The following TMEM245 variants were observed in gnomAD, a reference collection of about 807,000 sequenced individuals.
The protein encoded by TMEM245 is protein CG-2.
A neutral mutation model predicts 101.2 loss-of-function variants in TMEM245; 69 were observed. That is an observed-to-expected ratio of 0.68 (90% CI 0.56 to 0.83). The LOEUF (loss-of-function observed/expected upper bound fraction) is 0.83. TMEM245 is among the 40% of genes least tolerant of loss of function. The pLI is 0.00. For synonymous variants in TMEM245, 537 were observed against 449.8 expected (o/e 1.19, Z -2.45); for missense variants, 1,075 against 1,092.8 (o/e 0.98, Z 0.23).
Position 109,050,356 on chromosome 9 carries a change from T to C in TMEM245, c.2050A>G (p.Ile684Val), listed in dbSNP as rs754205755. ...DEYYKPVKWVISLTPLSQPGP... is the reference protein window; with the variant it reads ...DEYYKPVKWVVSLTPLSQPGP... ...GGCTGAGATAGTGGAGTCAGGCTTA[T>C]CACCCACTTCACTGGCTTGTAGTAC... is the stretch of plus-strand genomic sequence containing the variant. The change falls in exon 14 of 18, where the codon ATA becomes GTA. Residue 684 changes from isoleucine (I) to valine (V), a missense_variant. Transcript: ENST00000374586. 2 of 1,614,114 alleles carry C rather than the reference T, an allele frequency of 1.2e-6. No individual in the cohort carries two copies. Among genetic ancestry groups the C allele is most frequent in the Non-Finnish European group, 1.7e-6 (2 of 1,180,026 alleles).
rs1827415700 is a variant in TMEM245 at position 109,015,534 on chromosome 9, T to C, written c.*4926A>G. 6.6e-6 allele frequency: 1 copy of C among 152,620 alleles called. No homozygotes were observed. The highest frequency in any genetic ancestry group is 2.1e-4 in the South Asian group (1 of 4,834). 9.5% of individuals were successfully genotyped at this position (152,620 alleles called of 1,614,324 possible). ...GCAATAAAAAATAAATGATATTTGA[T>C]AATAAGCCAAAATTATCAGGATTTG... On this transcript the variant is annotated 3_prime_UTR_variant, in exon 18 of 18. Coordinates refer to ENST00000374586, the MANE Select transcript of TMEM245 (RefSeq NM_032012.4).
chr9:109,057,088 T>C (rs1343698615), intron 12 of TMEM245, 103 bp downstream of exon 12: 6 of 1,290,402 alleles, frequency 4.6e-6, no homozygotes, highest in South Asian at 1.5e-5. Context: ...TGTCATGATG[T>C]TAAAAACAGG....
rs372653512 is a variant in TMEM245 at position 109,064,513 on chromosome 9, G to A, written c.1587C>T (p.Asn529=). Residue 529 remains asparagine (N), a synonymous_variant, in exon 10 of 18, where the codon AAC becomes AAT. Transcript: ENST00000374586. ...VQRALNSAAN[N]VYQYGREWIT... ...TCCATTCTCGTCCATACTGATACAC[G>A]TTGTTAGCCGCAGAATTCAGGGCTC... The A allele has an allele frequency of 3.5e-5, 57 of 1,613,764 alleles. No homozygotes were observed. Among genetic ancestry groups the A allele is most frequent in the Middle Eastern group, 1.6e-4 (1 of 6,084 alleles).
intron 9 of TMEM245, among the ~76,000 whole-genome samples, chr9:109,072,139 G>A (rs371621017): frequency 2.0e-5 from 3 of 152,272 alleles, no homozygotes; most frequent in Admixed American, 6.5e-5. Flanking sequence ...ATAAGTTGTG[G>A]AAAGCCATGA....
At chr9:109,055,188 C>CACAAA (rs914264203) in intron 12 of TMEM245, among the ~76,000 whole-genome samples, 9 of 152,120 alleles carry the variant, frequency 5.9e-5, no homozygotes, top group Admixed American at 2.0e-4. Context: ...CGACTACAGT[C>CACAAA]ACAAAACAAA....
In TMEM245 at chr9:109,060,395, G is replaced by A. The variant is rs749311982; in HGVS notation, c.1681C>T (p.Leu561=). 1.2e-6 allele frequency: 2 copies of A among 1,613,636 alleles called. No individual in the cohort carries two copies. Among genetic ancestry groups the A allele is most frequent in the South Asian group, 2.2e-5 (2 of 91,006 alleles). Residue 561 remains leucine (L), a synonymous_variant, in exon 11 of 18, where the codon CTA becomes TTA. Transcript: ENST00000374586. ...TGATACAGTCTGTCCCAAAGTTCTA[G>A]TACTTGCTTTTCAATTACAGCAGTA... ...NNTAVIEKQV[L]ELWDRLYHSW...
At chr9:109,115,659 T>C (rs1830704884) in intron 1 of TMEM245, among the ~76,000 whole-genome samples, 1 of 149,362 alleles carries the variant, frequency 6.7e-6, no homozygotes, top group Non-Finnish European at 1.5e-5. Flanking sequence ...GCCTCCAGAG[T>C]AGCTGGGATT....
At chr9:109,110,232 A>C (rs1027642211) in intron 1 of TMEM245, among the ~76,000 whole-genome samples, 65 of 152,294 alleles carry the variant, frequency 4.3e-4, no homozygotes, top group African/African-American at 1.5e-3. Flanking sequence ...GTACAATAAT[A>C]GTACACTTAT....
chr9:109,114,657 T>C (rs1214462568), intron 1 of TMEM245, among the ~76,000 whole-genome samples: 1 of 152,170 alleles, frequency 6.6e-6, no homozygotes, highest in Non-Finnish European at 1.5e-5. Flanking sequence ...AATCTATTAC[T>C]ACTGCAAAAA....
intron 1 of TMEM245, among the ~76,000 whole-genome samples, chr9:109,111,381 C>T (rs1481837646): frequency 6.6e-6 from 1 of 152,098 alleles, no homozygotes; most frequent in Non-Finnish European, 1.5e-5. Context: ...TTATACAGTA[C>T]CTCCAAGAAG....
At chr9:109,115,351 T>A (rs1046610720) in intron 1 of TMEM245, among the ~76,000 whole-genome samples, 3 of 149,878 alleles carry the variant, frequency 2.0e-5, no homozygotes, top group African/African-American at 7.4e-5. Flanking sequence ...TCTCAAAATA[T>A]AAGAAGAAAA....
At chr9:109,036,503 T>C in intron 15 of TMEM245, 123 bp from the exon 16 acceptor site, 1 of 945,898 alleles carries the variant, frequency 1.1e-6, no homozygotes, top group Non-Finnish European at 1.5e-6. Context: ...ACTCACAAAC[T>C]CAAATATTAG....
intron 6 of TMEM245, 131 bp from the exon 7 acceptor site, chr9:109,086,151 G>A: frequency 1.1e-6 from 1 of 912,346 alleles, no homozygotes; most frequent in Non-Finnish European, 1.7e-6. Flanking sequence ...AAAAACTAGG[G>A]ACGGAAAAAC....
intron 7 of TMEM245, among the ~76,000 whole-genome samples, chr9:109,085,191 G>C (rs1000420102): frequency 1.3e-5 from 2 of 152,176 alleles, no homozygotes; most frequent in African/African-American, 2.4e-5. Flanking sequence ...CTACAACCTT[G>C]AATTCCTGGG....
chr9:109,089,486 T>A (rs1477418188), intron 5 of TMEM245, among the ~76,000 whole-genome samples: 1 of 152,106 alleles, frequency 6.6e-6, no homozygotes, highest in East Asian at 1.9e-4. Flanking sequence ...TACGTTTTAA[T>A]CAATAGTGAA....
chr9:109,075,342 C>G (rs1829465526), intron 8 of TMEM245, among the ~76,000 whole-genome samples: 1 of 152,122 alleles, frequency 6.6e-6, no homozygotes. Flanking sequence ...TCTGTGAATG[C>G]CTTTGACTTT....
chr9:109,090,530 G>A (rs1025061425), intron 5 of TMEM245, among the ~76,000 whole-genome samples: 7 of 151,900 alleles, frequency 4.6e-5, no homozygotes, highest in African/African-American at 1.5e-4. Context: ...AGACTATCCT[G>A]GCTAACATGG....
At chr9:109,052,087 A>G (rs1828702493) in intron 12 of TMEM245, among the ~76,000 whole-genome samples, 1 of 152,160 alleles carries the variant, frequency 6.6e-6, no homozygotes, top group African/African-American at 2.4e-5. Context: ...GAGAGGTACA[A>G]TATTTATAGC....
intron 14 of TMEM245, among the ~76,000 whole-genome samples, chr9:109,044,035 T>C (rs1229757217): frequency 6.6e-6 from 1 of 152,162 alleles, no homozygotes; most frequent in Non-Finnish European, 1.5e-5. Flanking sequence ...TAATAATAAC[T>C]CCTCTGCACC....
Sources: allele counts gnomAD v4.1 joint callset (sites outside exome capture counted in the v4.1 genomes callset), GRCh38; gene constraint gnomAD v4.1.1; transcripts MANE v1.5; gene names NCBI Gene and HGNC (gene_info 2026-07-23, HGNC 2026-07-21).